The following ESRRG variants were observed in gnomAD, a reference collection of about 807,000 sequenced individuals.
The protein encoded by ESRRG is estrogen-related receptor gamma.
In ESRRG, 13 loss-of-function variants were observed where a neutral mutation model predicts 44.0. The observed-to-expected ratio is 0.30, with a 90% CI of 0.19 to 0.47. ESRRG has a LOEUF of 0.47. ESRRG is among the 20% of genes least tolerant of loss of function. The probability of loss-of-function intolerance (pLI) is 1.00; values close to 1 mark genes in which losing one functional copy is unlikely to be tolerated. For missense variants in ESRRG, 395 were observed against 580.6 expected (o/e 0.68, Z 3.29); for synonymous variants, 215 against 214.6 (o/e 1.00, Z -0.02).
chr1:216,829,333 G>A (rs1352890970), intron 2 of ESRRG, among the ~76,000 whole-genome samples: 1 of 151,984 alleles, frequency 6.6e-6, no homozygotes, highest in Non-Finnish European at 1.5e-5. Flanking sequence ...ACACGAAAGG[G>A]CCATTCACTG....
intron 2 of ESRRG, among the ~76,000 whole-genome samples, chr1:216,745,773 A>G (rs1452463470): frequency 2.0e-5 from 3 of 152,190 alleles, no homozygotes; most frequent in Middle Eastern, 3.2e-3. Context: ...TAAAAGACAC[A>G]CTCAATAAAG....
chr1:217,094,087 G>A (rs895517815), upstream of ESRRG, among the ~76,000 whole-genome samples: 1 of 151,920 alleles, frequency 6.6e-6, no homozygotes, highest in Non-Finnish European at 1.5e-5. Flanking sequence ...GCCTCGCTAT[G>A]TTGTCCAGGC....
At chr1:216,923,209 A>G (rs2062050313) in intron 2 of ESRRG, among the ~76,000 whole-genome samples, 1 of 152,230 alleles carries the variant, frequency 6.6e-6, no homozygotes, top group South Asian at 2.1e-4. Flanking sequence ...AGGGTCTCAA[A>G]GCGCTGAGCT....
At chr1:216,885,484 T>C (rs2096501986) in intron 2 of ESRRG, among the ~76,000 whole-genome samples, 1 of 152,028 alleles carries the variant, frequency 6.6e-6, no homozygotes, top group African/African-American at 2.4e-5. Context: ...TTTATCCATC[T>C]ATAAATTAAG....
At chr1:217,122,746 C>A (rs568566930) in intron 1 of ESRRG, among the ~76,000 whole-genome samples, 16 of 148,008 alleles carry the variant, frequency 1.1e-4, no homozygotes, top group African/African-American at 3.8e-4. Context: ...TCTCAGCTCA[C>A]TGCAACCTCC....
At chr1:216,563,294 C>G (rs2059115622) in intron 5 of ESRRG, among the ~76,000 whole-genome samples, 1 of 152,186 alleles carries the variant, frequency 6.6e-6, no homozygotes, top group Non-Finnish European at 1.5e-5. Flanking sequence ...CACCTAATGA[C>G]TTCAAATTAG....
intron 3 of ESRRG, among the ~76,000 whole-genome samples, chr1:216,626,465 C>A (rs1365245966): frequency 6.6e-6 from 1 of 152,178 alleles, no homozygotes; most frequent in Non-Finnish European, 1.5e-5. Context: ...ACCATCCTGC[C>A]TACTGGATAC....
At chr1:216,617,018 C>G (rs2061511221) in intron 3 of ESRRG, among the ~76,000 whole-genome samples, 1 of 152,118 alleles carries the variant, frequency 6.6e-6, no homozygotes, top group African/African-American at 2.4e-5. Flanking sequence ...AATGAAACTA[C>G]TGTACTGCAT....
At chr1:216,606,238 T>A (rs958988873) in intron 3 of ESRRG, among the ~76,000 whole-genome samples, 1 of 152,164 alleles carries the variant, frequency 6.6e-6, no homozygotes. Flanking sequence ...AGGCTTCTTA[T>A]CAGCAGCTGG....
At position 216,723,304 on chromosome 1, in the gene ESRRG, G is replaced by T. The variant is rs1351561268; in HGVS notation, c.-5C>A. On this transcript the variant is annotated 5_prime_UTR_variant, in exon 1 of 7. Coordinates refer to ENST00000408911, the MANE Select transcript of ESRRG (RefSeq NM_001438.4). ...GCAAAGTTCTACCGAATCCATGTGC[G>T]ACCGGCAACCATTATTTGTGCACCC... is the stretch of plus-strand genomic sequence containing the variant. The T allele has an allele frequency of 1.9e-6, 3 of 1,613,764 alleles. No individual in the cohort carries two copies. The highest frequency in any genetic ancestry group is 2.5e-6 in the Non-Finnish European group (3 of 1,179,910).
At chr1:216,533,277 AT>A (rs944114243) in intron 5 of ESRRG, among the ~76,000 whole-genome samples, 5 of 151,364 alleles carry the variant, frequency 3.3e-5, no homozygotes, top group Non-Finnish European at 5.9e-5. Flanking sequence ...TGAAAAAAAA[AT>A]AAAAGGTATA....
At chr1:216,924,270 A>C (rs1578203690) in intron 2 of ESRRG, among the ~76,000 whole-genome samples, 1 of 152,186 alleles carries the variant, frequency 6.6e-6, no homozygotes, top group African/African-American at 2.4e-5. Flanking sequence ...GTCAAGGATG[A>C]TTACCAGATG....
intron 1 of ESRRG, among the ~76,000 whole-genome samples, chr1:216,961,557 T>C (rs554656035): frequency 2.4e-5 from 3 of 125,364 alleles, no homozygotes; most frequent in East Asian, 2.3e-4. Context: ...AGAAATTTAC[T>C]CTTATTTTTT....
intron 1 of ESRRG, among the ~76,000 whole-genome samples, chr1:217,110,520 T>TC (rs979586100): frequency 5.9e-5 from 9 of 152,174 alleles, no homozygotes; most frequent in Non-Finnish European, 1.3e-4. Context: ...CTGAAAGCTT[T>TC]CCTGGAAGCA....
chr1:216,856,015 T>C (rs140374461), intron 2 of ESRRG, among the ~76,000 whole-genome samples: 123 of 152,302 alleles, frequency 8.1e-4, no homozygotes, highest in South Asian at 2.1e-3. Flanking sequence ...TCAAATGTCT[T>C]CTTTTTGTTG....
intron 3 of ESRRG, among the ~76,000 whole-genome samples, chr1:216,625,887 C>T (rs2063110377): frequency 6.6e-6 from 1 of 152,104 alleles, no homozygotes; most frequent in Non-Finnish European, 1.5e-5. Context: ...TTCTGTGTTC[C>T]TATATCTCTC....
intron 1 of ESRRG, among the ~76,000 whole-genome samples, chr1:216,707,003 G>C (rs2082584457): frequency 6.6e-6 from 1 of 152,196 alleles, no homozygotes; most frequent in South Asian, 2.1e-4. Flanking sequence ...ACCAGGCAGT[G>C]TTGCAGGAAT....
intron 2 of ESRRG, among the ~76,000 whole-genome samples, chr1:216,853,622 G>A (rs1559874079): frequency 6.6e-6 from 1 of 152,044 alleles, no homozygotes; most frequent in Admixed American, 6.5e-5. Flanking sequence ...CCCACACTCA[G>A]TGTATCCACC....
intron 2 of ESRRG, among the ~76,000 whole-genome samples, chr1:216,923,256 A>G (rs1168143364): frequency 6.6e-6 from 1 of 152,250 alleles, no homozygotes; most frequent in African/African-American, 2.4e-5. Flanking sequence ...ACAGATTCTC[A>G]GTGCCATTCT....
Sources: gnomAD v4.1 joint callset for allele counts (sites outside exome capture counted in the v4.1 genomes callset) on GRCh38, gnomAD v4.1.1 for gene constraint, MANE v1.5 for transcripts, NCBI Gene and HGNC (gene_info 2026-07-23, HGNC 2026-07-21) for gene names.